Variants in KIRREL3 observed in about 807,000 individuals in gnomAD.
KIRREL3 encodes kin of IRRE-like protein 3.
In KIRREL3, 36 loss-of-function variants were observed where a neutral mutation model predicts 89.7. The observed-to-expected ratio is 0.40, with a 90% CI of 0.31 to 0.53. The LOEUF is 0.53. Ranked by LOEUF, KIRREL3 falls within the 20% of genes least tolerant of loss-of-function variation. KIRREL3 has a pLI of 0.49. For missense variants in KIRREL3, 864 were observed against 1,056.6 expected, an observed-to-expected ratio of 0.82 and a Z score of 2.53; for synonymous variants, 445 against 441.4, an observed-to-expected ratio of 1.01 and a Z score of -0.10.
chr11:126,482,756 C>T (rs554418397), intron 4 of KIRREL3, among the ~76,000 whole-genome samples: 2 of 152,326 alleles, frequency 1.3e-5, no homozygotes, highest in East Asian at 3.9e-4. Context: ...GGTGATTCCA[C>T]GCTGCCCTGC....
rs1944254223 is a variant in KIRREL3 at position 126,636,070 on chromosome 11, G to A, written c.56-73158C>T. On this transcript the variant is annotated intron_variant, in intron 1 of 16. Coordinates refer to ENST00000525144, the MANE Select transcript of KIRREL3 (RefSeq NM_032531.4). This position sits in a 1 kb window ranked among gnomAD's most constrained non-coding sequence, Gnocchi z 4.4. Reference sequence around the variant, plus strand: ...GCCCCCTTAGAGTGACAGAGATGGGGCTACCTCACAACTCTGCCACTTACT... The same window carrying A: ...GCCCCCTTAGAGTGACAGAGATGGGACTACCTCACAACTCTGCCACTTACT... 1.3e-5 allele frequency among the ~76,000 whole-genome samples: 2 copies of A among 152,310 alleles called. No homozygotes were observed. Among genetic ancestry groups the A allele is most frequent in the South Asian group, 4.1e-4 (2 of 4,828 alleles).
At position 126,607,612 on chromosome 11, in the gene KIRREL3, G is replaced by C. The variant is rs977019934; in HGVS notation, c.56-44700C>G. 1.3e-5 allele frequency among the ~76,000 whole-genome samples: 2 copies of C among 152,186 alleles called. No individual in the cohort carries two copies. Among genetic ancestry groups the C allele is most frequent in the Non-Finnish European group, 2.9e-5 (2 of 68,046 alleles). ...GCTGTTATTATCATGTAGGCATTAAGTGGCTTCCTCTGCCCTTTGAGTTGT... is the reference window on the plus strand; with the variant it reads ...GCTGTTATTATCATGTAGGCATTAACTGGCTTCCTCTGCCCTTTGAGTTGT... On this transcript the variant is annotated intron_variant, in intron 1 of 16. Transcript: ENST00000525144. The surrounding 1 kb of genome is among the most constrained non-coding windows in gnomAD (Gnocchi z 6.6).
chr11:126,495,576 T>C lies in KIRREL3; in HGVS notation c.434-22110A>G, dbSNP rs1198656132. On this transcript the variant is annotated intron_variant, in intron 4 of 16. Transcript: ENST00000525144. This position sits in a 1 kb window ranked among gnomAD's most constrained non-coding sequence, Gnocchi z 6.5. ...TTATACCTGGCCTTCCTCCTCCGGG[T>C]CTAGCGCCACCCCAGCAGCAGATGC... is the stretch of plus-strand genomic sequence containing the variant. Among the ~76,000 whole-genome samples the C allele has an allele frequency of 3.9e-5, 6 of 152,090 alleles. No individual in the cohort carries two copies. The highest frequency in any genetic ancestry group is 7.4e-5 in the Non-Finnish European group (5 of 68,018).
Position 126,844,016 on chromosome 11 carries a change from TTTC to T in KIRREL3, c.55+156436_55+156438del, listed in dbSNP as rs1246221655. On this transcript the variant is annotated intron_variant, in intron 1 of 16. Coordinates refer to ENST00000525144, the MANE Select transcript of KIRREL3 (RefSeq NM_032531.4). This position sits in a 1 kb window ranked among gnomAD's most constrained non-coding sequence, Gnocchi z 4.8. ...AGTAGCCATTCTTTTGTTCCTTTACTTTCTTAATAAACTTGCTTTCACTTTATG... is the reference window on the plus strand; with the variant it reads ...AGTAGCCATTCTTTTGTTCCTTTACTTTAATAAACTTGCTTTCACTTTATG... Among the ~76,000 whole-genome samples, 4 of 152,360 alleles carry T rather than the reference TTTC, an allele frequency of 2.6e-5. No individual in the cohort carries two copies. The highest frequency in any genetic ancestry group is 7.2e-5 in the African/African-American group (3 of 41,590).
rs545060004 is a variant in KIRREL3, at chr11:126,528,411, T to C, written c.134-1724A>G. 5.9e-5 allele frequency among the ~76,000 whole-genome samples: 9 copies of C among 152,244 alleles called. No individual in the cohort carries two copies. In the South Asian group the frequency reaches 1.7e-3, roughly 28 times the overall value. On this transcript the variant is annotated intron_variant, in intron 2 of 16. Transcript: ENST00000525144. The surrounding 1 kb of genome is among the most constrained non-coding windows in gnomAD (Gnocchi z 4.6). ...AGGGGAGCTTGGATGGCAGCAGAGC[T>C]TGGGGTGGAGGCTCCCCAGAAGGAG...
At position 126,651,424 on chromosome 11, in the gene KIRREL3, A is replaced by G. The variant is rs1352691441; in HGVS notation, c.56-88512T>C. Among the ~76,000 whole-genome samples, 2 of 152,224 alleles carry G rather than the reference A, an allele frequency of 1.3e-5. No individual in the cohort carries two copies. The highest frequency in any genetic ancestry group is 2.4e-5 in the African/African-American group (1 of 41,456). On this transcript the variant is annotated intron_variant, in intron 1 of 16. Transcript: ENST00000525144. This position sits in a 1 kb window ranked among gnomAD's most constrained non-coding sequence, Gnocchi z 4.6. ...GCATGCTCTTTCCAGATATCAGTGG[A>G]CAGCATCCAGGGGGGCAGAGTCAGT...
Position 126,860,278 on chromosome 11 carries a change from C to A in KIRREL3, c.55+140177G>T, listed in dbSNP as rs187073696. On this transcript the variant is annotated intron_variant, in intron 1 of 16. Transcript: ENST00000525144. This position sits in a 1 kb window ranked among gnomAD's most constrained non-coding sequence, Gnocchi z 4.6. ...AGCTCCCAGAGGGTAGGAACTGACA[C>A]TTAAATGTGTAATGACATGACAATC... is the stretch of plus-strand genomic sequence containing the variant. Among the ~76,000 whole-genome samples, 18 of 152,268 alleles carry A rather than the reference C, an allele frequency of 1.2e-4. No individual in the cohort carries two copies. The highest frequency in any genetic ancestry group is 3.6e-4 in the African/African-American group (15 of 41,546).
chr11:126,873,231 T>G (rs958700998), intron 1 of KIRREL3, among the ~76,000 whole-genome samples: 3 of 152,250 alleles, frequency 2.0e-5, no homozygotes, highest in Non-Finnish European at 2.9e-5. Flanking sequence ...TCATAAAGTC[T>G]GTCAGATTTA....
chr11:126,785,872 CAAAAAAAAAAAAAA>C (rs34526435), intron 1 of KIRREL3, among the ~76,000 whole-genome samples: 4 of 37,788 alleles, frequency 1.1e-4, no homozygotes, highest in African/African-American at 4.3e-4. Flanking sequence ...GACTCCGTCT[CAAAAAAAAAAAAAA>C]AAAAAAAAAA....
At chr11:126,831,281 T>C (rs991244826) in intron 1 of KIRREL3, among the ~76,000 whole-genome samples, 4 of 152,208 alleles carry the variant, frequency 2.6e-5, no homozygotes, top group African/African-American at 9.6e-5. Context: ...TAATGTTCCA[T>C]GAGGACGGTG....
rs547988672 is a variant in KIRREL3 at position 126,926,443 on chromosome 11, G to A, written c.55+74012C>T. Among the ~76,000 whole-genome samples the A allele has an allele frequency of 1.6e-4, 25 of 152,274 alleles. No homozygotes were observed. In the East Asian group the frequency reaches 2.7e-3, roughly 16 times the overall value. ...AATGAGCAGCTCTCTTTGGAGCCAC[G>A]CACCTTCCTCCCTGGGCTCTGCCAA... On this transcript the variant is annotated intron_variant, in intron 1 of 16. Transcript: ENST00000525144.
rs1283316155 is a variant in KIRREL3 at position 126,691,416 on chromosome 11, T to C, written c.56-128504A>G. Among the ~76,000 whole-genome samples, 10 of 152,302 alleles carry C rather than the reference T, an allele frequency of 6.6e-5. No homozygotes were observed. In the East Asian group the frequency reaches 1.7e-3, roughly 26 times the overall value. On this transcript the variant is annotated intron_variant, in intron 1 of 16. Transcript: ENST00000525144. ...TCTGACAGGAGACTGGATCAATATA[T>C]TGTGGTGTGCCTATTTAATGGAATA...
At position 126,983,217 on chromosome 11, in the gene KIRREL3, A is replaced by G. The variant is rs563082256; in HGVS notation, c.55+17238T>C. ...AATAACCATTTTGTACTAAGCACCT[A>G]TTATTTGATAATCCCAATAGATACA... is the stretch of plus-strand genomic sequence containing the variant. On this transcript the variant is annotated intron_variant, in intron 1 of 16. Coordinates refer to ENST00000525144, the MANE Select transcript of KIRREL3 (RefSeq NM_032531.4). The surrounding 1 kb of genome is among the most constrained non-coding windows in gnomAD (Gnocchi z 4.9). Among the ~76,000 whole-genome samples, 1 of 152,300 alleles carries G rather than the reference A, an allele frequency of 6.6e-6. No homozygotes were observed. The highest frequency in any genetic ancestry group is 1.9e-4 in the East Asian group (1 of 5,180).
Position 126,656,848 on chromosome 11 carries a change from C to A in KIRREL3, c.56-93936G>T, listed in dbSNP as rs1211585966. 6.6e-6 allele frequency among the ~76,000 whole-genome samples: 1 copy of A among 152,010 alleles called. No homozygotes were observed. Among genetic ancestry groups the A allele is most frequent in the East Asian group, 1.9e-4 (1 of 5,176 alleles). ...GTGTGCATCGCTTGGGGCTGGGAGT[C>A]CCAGACCAGCCTGGCTGTCGTGGTG... On this transcript the variant is annotated intron_variant, in intron 1 of 16. Coordinates refer to ENST00000525144, the MANE Select transcript of KIRREL3 (RefSeq NM_032531.4). This position sits in a 1 kb window ranked among gnomAD's most constrained non-coding sequence, Gnocchi z 4.0.
rs1025949639 is a variant in KIRREL3, at chr11:126,605,826, G to C, written c.56-42914C>G. ...GCATGGGACATGGTCCCTCTTGGGAGTTAAGCAGAGGGAGTCCTCTCATTG... is the reference window on the plus strand; with the variant it reads ...GCATGGGACATGGTCCCTCTTGGGACTTAAGCAGAGGGAGTCCTCTCATTG... On this transcript the variant is annotated intron_variant, in intron 1 of 16. Transcript: ENST00000525144. This position sits in a 1 kb window ranked among gnomAD's most constrained non-coding sequence, Gnocchi z 5.7. Among the ~76,000 whole-genome samples, 11 of 152,220 alleles carry C rather than the reference G, an allele frequency of 7.2e-5. No individual in the cohort carries two copies. The highest frequency in any genetic ancestry group is 2.7e-4 in the African/African-American group (11 of 41,464).
intron 1 of KIRREL3, among the ~76,000 whole-genome samples, chr11:126,927,306 C>T (rs1947763097): frequency 6.6e-6 from 1 of 152,194 alleles, no homozygotes. Flanking sequence ...GCACTTGATA[C>T]ACAGTGGTTA....
At position 126,705,807 on chromosome 11, in the gene KIRREL3, T is replaced by C. The variant is rs1444246146; in HGVS notation, c.56-142895A>G. Among the ~76,000 whole-genome samples, 1 of 152,210 alleles carries C rather than the reference T, an allele frequency of 6.6e-6. No homozygotes were observed. Among genetic ancestry groups the C allele is most frequent in the East Asian group, 1.9e-4 (1 of 5,196 alleles). On this transcript the variant is annotated intron_variant, in intron 1 of 16. Transcript: ENST00000525144. The surrounding 1 kb of genome is among the most constrained non-coding windows in gnomAD (Gnocchi z 4.3). Reference sequence around the variant, plus strand: ...TACCTCTCCTATTTTAGAACTGCCATGGCACTGTGACTTGCCTTGACCACT... The same window carrying C: ...TACCTCTCCTATTTTAGAACTGCCACGGCACTGTGACTTGCCTTGACCACT...
chr11:126,847,590 C>G (rs1944190910), intron 1 of KIRREL3, among the ~76,000 whole-genome samples: 1 of 152,116 alleles, frequency 6.6e-6, no homozygotes, highest in Non-Finnish European at 1.5e-5. Context: ...CTGAAATGTT[C>G]ATGAACATCA....
chr11:127,003,109 G>T (rs1271814609), upstream of KIRREL3: 3 of 148,362 alleles, frequency 2.0e-5, no homozygotes, highest in African/African-American at 7.6e-5. Flanking sequence ...CCGGTCTCCC[G>T]CAGAAAGAAA....
Sources: allele counts gnomAD v4.1 joint callset (sites outside exome capture counted in the v4.1 genomes callset), GRCh38; gene constraint gnomAD v4.1.1; non-coding constraint Gnocchi (gnomAD v3.1); transcripts MANE v1.5; gene names NCBI Gene and HGNC (gene_info 2026-07-23, HGNC 2026-07-21).